Variants in SH3RF2 observed in about 807,000 individuals in gnomAD.
SH3RF2 encodes SH3 domain containing ring finger 2, also known as E3 ubiquitin-protein ligase SH3RF2.
In SH3RF2, 43 loss-of-function variants were observed where a neutral mutation model predicts 59.0. That is an observed-to-expected ratio of 0.73 (90% CI 0.57 to 0.94). The LOEUF (loss-of-function observed/expected upper bound fraction) is 0.94. SH3RF2 is among the 40% of genes least tolerant of loss of function. The pLI is 0.00. For synonymous variants in SH3RF2, 391 were observed against 391.5 expected, an observed-to-expected ratio of 1.00 and a Z score of 0.01; for missense variants, 930 against 940.1, an observed-to-expected ratio of 0.99 and a Z score of 0.14.
In SH3RF2 at chr5:146,047,869, T is replaced by G. The variant is rs1762365142; in HGVS notation, c.1151+6T>G. ...CAACACCTCTCAGCGAACATGTGAG[T>G]AAAAGGCTCATCCCTTCACCCAAGT... On this transcript the variant is annotated splice_donor_region_variant and intron_variant, in intron 6 of 9. Transcript: ENST00000359120. The G allele has an allele frequency of 6.2e-7, 1 of 1,613,482 alleles. No individual in the cohort carries two copies. Among genetic ancestry groups the G allele is most frequent in the South Asian group, 1.1e-5 (1 of 91,072 alleles).
intron 2 of SH3RF2, among the ~76,000 whole-genome samples, chr5:145,941,450 A>G (rs1054193241): frequency 3.3e-5 from 5 of 152,230 alleles, no homozygotes; most frequent in South Asian, 4.1e-4. Flanking sequence ...ACCAACAGGC[A>G]AGATCACCAG....
At chr5:146,061,861 A>G (rs1030784463) in intron 9 of SH3RF2, among the ~76,000 whole-genome samples, 1 of 152,008 alleles carries the variant, frequency 6.6e-6, no homozygotes, top group Non-Finnish European at 1.5e-5. Flanking sequence ...TCTGATTTTT[A>G]TATGCAATCT....
At chr5:146,041,314 C>T (rs898157561) in intron 5 of SH3RF2, among the ~76,000 whole-genome samples, 3 of 152,184 alleles carry the variant, frequency 2.0e-5, no homozygotes, top group South Asian at 2.1e-4. Context: ...GACCCCAACA[C>T]GCTCAGGCTT....
At chr5:145,984,872 T>G (rs1350466437) in intron 2 of SH3RF2, among the ~76,000 whole-genome samples, 1 of 152,198 alleles carries the variant, frequency 6.6e-6, no homozygotes, top group African/African-American at 2.4e-5. Flanking sequence ...AAATCTTGGC[T>G]TCAGCTGGGC....
At chr5:146,077,603 A>C (rs1030626828) in intron 9 of SH3RF2, among the ~76,000 whole-genome samples, 1 of 152,222 alleles carries the variant, frequency 6.6e-6, no homozygotes, top group Non-Finnish European at 1.5e-5. Context: ...AAAAATAAGA[A>C]TATGCACTTA....
rs1580916139 is a variant in SH3RF2 at position 146,047,792 on chromosome 5, A to G, written c.1080A>G (p.Ala360=). 6.2e-7 allele frequency: 1 copy of G among 1,613,724 alleles called. No individual in the cohort carries two copies. Among genetic ancestry groups the G allele is most frequent in the Non-Finnish European group, 8.5e-7 (1 of 1,179,978 alleles). The change falls in exon 6 of 10, where the codon GCA becomes GCG. Residue 360 remains alanine, a synonymous_variant. Coordinates refer to ENST00000359120, the MANE Select transcript of SH3RF2 (RefSeq NM_152550.4). ...CVGQVSTYHP[A]PVSPGHSTAV... Reference sequence around the variant, plus strand: ...TGCAGGTCAGCACTTATCACCCCGCACCTGTCTCTCCAGGACATTCCACAG... The same window carrying G: ...TGCAGGTCAGCACTTATCACCCCGCGCCTGTCTCTCCAGGACATTCCACAG...
At chr5:146,021,336 A>G (rs748399604) in intron 5 of SH3RF2, among the ~76,000 whole-genome samples, 15 of 152,200 alleles carry the variant, frequency 9.9e-5, no homozygotes, top group Non-Finnish European at 1.9e-4. Flanking sequence ...TCTTATGATG[A>G]TATCTCCCAA....
chr5:145,980,347 G>T (rs1047044236), intron 2 of SH3RF2, among the ~76,000 whole-genome samples: 1 of 150,146 alleles, frequency 6.7e-6, no homozygotes, highest in African/African-American at 2.4e-5. Flanking sequence ...ATTAGATCAG[G>T]GTGTACATAT....
intron 5 of SH3RF2, among the ~76,000 whole-genome samples, chr5:146,021,670 G>A (rs1761324341): frequency 6.6e-6 from 1 of 152,190 alleles, no homozygotes; most frequent in South Asian, 2.1e-4. Flanking sequence ...TTCACAGGCA[G>A]GTGGCTGAAA....
chr5:146,035,829 G>A (rs944254249), intron 5 of SH3RF2, among the ~76,000 whole-genome samples: 1 of 152,192 alleles, frequency 6.6e-6, no homozygotes, highest in Non-Finnish European at 1.5e-5. Flanking sequence ...GGGAATGTGA[G>A]GGCAGGAGCC....
intron 2 of SH3RF2, among the ~76,000 whole-genome samples, chr5:145,989,936 G>A (rs1244857359): frequency 2.0e-5 from 3 of 152,208 alleles, no homozygotes; most frequent in Middle Eastern, 3.4e-3. Flanking sequence ...GCAGCTGAAC[G>A]TCCTGCTGTT....
intron 8 of SH3RF2, among the ~76,000 whole-genome samples, chr5:146,056,966 T>C (rs1762693835): frequency 6.6e-6 from 1 of 152,230 alleles, no homozygotes; most frequent in Non-Finnish European, 1.5e-5. Flanking sequence ...TTTCAGGCAT[T>C]GTAAAAAGTG....
chr5:146,065,450 A>G (rs1763080872), downstream of SH3RF2, among the ~76,000 whole-genome samples: 1 of 152,232 alleles, frequency 6.6e-6, no homozygotes, highest in South Asian at 2.1e-4. Context: ...TGGCCGACCA[A>G]ATATTTAGTC....
chr5:146,062,879 G>C lies in SH3RF2; in HGVS notation c.*178G>C. ...AATTCCTGCCCTGGGTGGGAGGATA[G>C]ATGGCGTGGCCTTCCAAACATACAA... On this transcript the variant is annotated 3_prime_UTR_variant, in exon 10 of 10. Coordinates refer to ENST00000359120, the MANE Select transcript of SH3RF2 (RefSeq NM_152550.4). The C allele has an allele frequency of 1.3e-6, 1 of 773,240 alleles. No individual in the cohort carries two copies. Among genetic ancestry groups the C allele is most frequent in the Non-Finnish European group, 2.0e-6 (1 of 496,864 alleles). The allele number at this position is 773,240 out of a possible 1,614,324, so 47.9% of individuals were successfully genotyped here.
At chr5:146,066,543 A>C (rs1271183361), downstream of SH3RF2, among the ~76,000 whole-genome samples, 1 of 152,234 alleles carries the variant, frequency 6.6e-6, no homozygotes, top group Non-Finnish European at 1.5e-5. Flanking sequence ...AAATTCTAAC[A>C]GAAGGGCCTG....
At chr5:146,009,691 C>T (rs1212560408) in intron 4 of SH3RF2, among the ~76,000 whole-genome samples, 2 of 152,146 alleles carry the variant, frequency 1.3e-5, no homozygotes, top group South Asian at 2.1e-4. Context: ...ATAAGTCACC[C>T]CTTCCAGGCC....
chr5:146,069,851 G>T (rs1763194239), intron 9 of SH3RF2, among the ~76,000 whole-genome samples: 1 of 152,094 alleles, frequency 6.6e-6, no homozygotes, highest in Non-Finnish European at 1.5e-5. Flanking sequence ...TGAGATTACA[G>T]GTGTGAGCCA....
intron 5 of SH3RF2, among the ~76,000 whole-genome samples, chr5:146,026,747 C>T (rs933371072): frequency 2.6e-5 from 4 of 152,068 alleles, no homozygotes; most frequent in Admixed American, 6.5e-5. Flanking sequence ...AGATCTAGGA[C>T]GGAACTCACA....
intron 2 of SH3RF2, among the ~76,000 whole-genome samples, chr5:145,989,463 T>C (rs1193814456): frequency 2.0e-5 from 3 of 152,222 alleles, no homozygotes; most frequent in Non-Finnish European, 2.9e-5. Flanking sequence ...AACACCTACT[T>C]GTGTACAGTG....
Sources: allele counts gnomAD v4.1 joint callset (sites outside exome capture counted in the v4.1 genomes callset), GRCh38; gene constraint gnomAD v4.1.1; transcripts MANE v1.5; gene names NCBI Gene and HGNC (gene_info 2026-07-23, HGNC 2026-07-21).